Variants in KCNH8 observed in about 807,000 individuals in gnomAD.
KCNH8 encodes voltage-gated delayed rectifier potassium channel KCNH8.
KCNH8 carries 70 observed loss-of-function variants against 103.6 expected under a neutral mutation model. That is an observed-to-expected ratio of 0.68 (90% CI 0.56 to 0.82). The LOEUF (loss-of-function observed/expected upper bound fraction) is 0.82, where lower values mean the gene tolerates loss of function less well. Ranked by LOEUF, KCNH8 falls within the 40% of genes least tolerant of loss-of-function variation. The pLI, the probability that KCNH8 is intolerant of heterozygous loss-of-function variation, is 0.00. For synonymous variants in KCNH8, 498 were observed against 489.4 expected (o/e 1.02, Z -0.23); for missense variants, 1,217 against 1,329.9 (o/e 0.92, Z 1.32).
intron 2 of KCNH8, among the ~76,000 whole-genome samples, chr3:19,260,070 A>G (rs1285635198): frequency 1.3e-5 from 2 of 151,690 alleles, no homozygotes; most frequent in Non-Finnish European, 2.9e-5. Context: ...AGAGCAAAGG[A>G]AACAAATGGG....
intron 3 of KCNH8, among the ~76,000 whole-genome samples, chr3:19,291,199 T>G (rs1421051742): frequency 6.6e-6 from 1 of 152,206 alleles, no homozygotes; most frequent in African/African-American, 2.4e-5. Flanking sequence ...AACCAGCTCC[T>G]GGATTCATTG....
rs774611406 is a variant in KCNH8 at position 19,353,704 on chromosome 3, C to A, written c.811+5739C>A. Among the ~76,000 whole-genome samples, 20 of 152,158 alleles carry A rather than the reference C, an allele frequency of 1.3e-4. 1 individual carries two copies. Among genetic ancestry groups the A allele is most frequent in the Non-Finnish European group, 1.2e-4 (8 of 68,022 alleles). On this transcript the variant is annotated intron_variant, in intron 5 of 15. Transcript: ENST00000328405. ...AGCAGCCCTCCATGCTAACAACTCT[C>A]AATAAACTAGGTATTGATGGGACGT...
intron 5 of KCNH8, among the ~76,000 whole-genome samples, chr3:19,369,923 C>T (rs2066064547): frequency 6.6e-6 from 1 of 152,024 alleles, no homozygotes; most frequent in Admixed American, 6.6e-5. Flanking sequence ...TAACTTCCTT[C>T]TCTACCTAGT....
At chr3:19,502,390 A>G (rs1190605181) in intron 11 of KCNH8, among the ~76,000 whole-genome samples, 1 of 151,018 alleles carries the variant, frequency 6.6e-6, no homozygotes, top group Non-Finnish European at 1.5e-5. Context: ...TCAAGCTACC[A>G]ATGACTTTCT....
chr3:19,170,809 TA>T (rs748030556), intron 1 of KCNH8, among the ~76,000 whole-genome samples: 11,676 of 101,780 alleles, frequency 0.11, 950 homozygotes, highest in African/African-American at 0.25. Flanking sequence ...TATATATATA[TA>T]TTTTTTTTTT....
intron 11 of KCNH8, among the ~76,000 whole-genome samples, chr3:19,469,700 T>A (rs1575104349): frequency 6.6e-6 from 1 of 152,182 alleles, no homozygotes; most frequent in African/African-American, 2.4e-5. Context: ...CGTGTTTTGA[T>A]TAGCATCTCC....
At chr3:19,410,259 T>G (rs2066756657) in intron 7 of KCNH8, among the ~76,000 whole-genome samples, 1 of 151,970 alleles carries the variant, frequency 6.6e-6, no homozygotes. Context: ...ACCACACAAT[T>G]ATAGGGAAAT....
chr3:19,253,123 A>AC (rs1050083351), intron 1 of KCNH8, among the ~76,000 whole-genome samples: 1 of 152,076 alleles, frequency 6.6e-6, no homozygotes, highest in Non-Finnish European at 1.5e-5. Flanking sequence ...ACAGTGGTGA[A>AC]CCCCTTTTTA....
intron 11 of KCNH8, among the ~76,000 whole-genome samples, chr3:19,487,056 G>C (rs1399438017): frequency 1.3e-5 from 2 of 152,176 alleles, no homozygotes; most frequent in Non-Finnish European, 2.9e-5. Flanking sequence ...ATGTACAAAA[G>C]CAAGATGCAG....
At chr3:19,177,324 A>G (rs2063410248) in intron 1 of KCNH8, among the ~76,000 whole-genome samples, 1 of 152,100 alleles carries the variant, frequency 6.6e-6, no homozygotes. Flanking sequence ...ATTCATGAGT[A>G]CTGATTTTGT....
intron 11 of KCNH8, among the ~76,000 whole-genome samples, chr3:19,508,908 G>T (rs1401463886): frequency 6.6e-6 from 1 of 152,186 alleles, no homozygotes; most frequent in Non-Finnish European, 1.5e-5. Context: ...GCTAAGGCCA[G>T]CATCTTTCTC....
intron 3 of KCNH8, among the ~76,000 whole-genome samples, chr3:19,309,769 A>T (rs2065185696): frequency 6.6e-6 from 1 of 151,958 alleles, no homozygotes; most frequent in Non-Finnish European, 1.5e-5. Context: ...CAAAAATCCC[A>T]TTCTTGCAAC....
At chr3:19,212,588 G>A (rs1218412672) in intron 1 of KCNH8, among the ~76,000 whole-genome samples, 5 of 152,052 alleles carry the variant, frequency 3.3e-5, no homozygotes, top group African/African-American at 1.2e-4. Context: ...TACTTGTCTC[G>A]TGGTTGGGGC....
intron 7 of KCNH8, among the ~76,000 whole-genome samples, chr3:19,410,160 A>G (rs983682622): frequency 6.6e-6 from 1 of 152,054 alleles, no homozygotes; most frequent in Non-Finnish European, 1.5e-5. Flanking sequence ...GTCTCAATAA[A>G]TTTTTTTAAA....
chr3:19,304,159 A>G (rs2065099230), intron 3 of KCNH8, among the ~76,000 whole-genome samples: 1 of 152,320 alleles, frequency 6.6e-6, no homozygotes, highest in South Asian at 2.1e-4. Flanking sequence ...GCTTTGGAAG[A>G]AGATTTTCAA....
At chr3:19,414,626 T>A (rs2066835210) in intron 7 of KCNH8, among the ~76,000 whole-genome samples, 1 of 151,958 alleles carries the variant, frequency 6.6e-6, no homozygotes, top group Non-Finnish European at 1.5e-5. Context: ...AGTAGTAAAA[T>A]TATTTGGAAG....
At chr3:19,224,090 TTC>T (rs1478355633) in intron 1 of KCNH8, among the ~76,000 whole-genome samples, 1 of 152,154 alleles carries the variant, frequency 6.6e-6, no homozygotes, top group Non-Finnish European at 1.5e-5. Flanking sequence ...GAGCCAAGAT[TTC>T]TGTTAAGATT....
chr3:19,449,000 T>C, intron 8 of KCNH8: 1 of 1,281,830 alleles, frequency 7.8e-7, no homozygotes, highest in Non-Finnish European at 1.0e-6. Context: ...GGTTTCATTC[T>C]GCTAATGACT....
chr3:19,336,902 A>T (rs1167087645), intron 3 of KCNH8, among the ~76,000 whole-genome samples: 3 of 152,018 alleles, frequency 2.0e-5, no homozygotes, highest in Non-Finnish European at 2.9e-5. Context: ...AATAAAACCT[A>T]AAATGACAAC....
Sources: allele counts gnomAD v4.1 joint callset (sites outside exome capture counted in the v4.1 genomes callset), GRCh38; gene constraint gnomAD v4.1.1; transcripts MANE v1.5; gene names NCBI Gene and HGNC (gene_info 2026-07-23, HGNC 2026-07-21).